The following HTR3B variants were observed in gnomAD, a reference collection of about 807,000 sequenced individuals.
HTR3B encodes 5-hydroxytryptamine (serotonin) receptor 3B, ionotropic.
Under a neutral mutation model 42.8 loss-of-function variants are expected in HTR3B, and 44 were observed. That is an observed-to-expected ratio of 1.03 (90% CI 0.81 to 1.32). The LOEUF is 1.32. HTR3B is among the 40% of genes most tolerant of loss of function. The probability of loss-of-function intolerance (pLI) is 0.00; values close to 1 mark genes in which losing one functional copy is unlikely to be tolerated. For synonymous variants in HTR3B, 203 were observed against 209.0 expected (o/e 0.97, Z 0.25); for missense variants, 527 against 536.5 (o/e 0.98, Z 0.17).
At chr11:113,911,922 C>T (rs533078125) in intron 2 of HTR3B, among the ~76,000 whole-genome samples, 1 of 152,282 alleles carries the variant, frequency 6.6e-6, no homozygotes, top group African/African-American at 2.4e-5. Flanking sequence ...CCCACAGAGA[C>T]AAATACTCTT....
chr11:113,937,095 G>C (rs1176739), intron 6 of HTR3B, among the ~76,000 whole-genome samples: 12,720 of 152,232 alleles, frequency 0.084, 871 homozygotes, highest in African/African-American at 0.19. Flanking sequence ...TTCCCTTTCT[G>C]TGGAATTTAA....
At position 113,943,213 on chromosome 11, in the gene HTR3B, T is replaced by C. The variant is rs533262768; in HGVS notation, c.907+21T>C. On this transcript the variant is annotated intron_variant, in intron 7 of 8. Transcript: ENST00000260191. ...GATTGGTAAGCAGCCTCGGGGTCAC[T>C]GGACACTCATCTTACATGACCCCTG... 3.1e-5 allele frequency: 49 copies of C among 1,571,050 alleles called. No individual in the cohort carries two copies. In the South Asian group the frequency reaches 5.3e-4, roughly 17 times the overall value.
In HTR3B at chr11:113,947,614, CTG is replaced by C. The variant is rs1950189839; in HGVS notation, c.*1481_*1482del. Among the ~76,000 whole-genome samples, 1 of 152,146 alleles carries C rather than the reference CTG, an allele frequency of 6.6e-6. No individual in the cohort carries two copies. Among genetic ancestry groups the C allele is most frequent in the Non-Finnish European group, 1.5e-5 (1 of 68,024 alleles). On this transcript the variant is annotated 3_prime_UTR_variant, in exon 9 of 9. Coordinates refer to ENST00000260191, the MANE Select transcript of HTR3B (RefSeq NM_006028.5). Reference sequence around the variant, plus strand: ...ACCTTTCCTCTGTGCATGCTCATGTCTGTGTCCAGATTTTCTCTTCTAACAAG... The same window carrying C: ...ACCTTTCCTCTGTGCATGCTCATGTCTGTCCAGATTTTCTCTTCTAACAAG...
At chr11:113,934,105 C>T (rs910833379) in intron 6 of HTR3B, among the ~76,000 whole-genome samples, 12 of 152,238 alleles carry the variant, frequency 7.9e-5, no homozygotes, top group South Asian at 4.1e-4. Context: ...AACTATCATT[C>T]GCTGAGTGCG....
At chr11:113,932,831 T>C in intron 5 of HTR3B, 105 bp from the exon 6 acceptor site, 2 of 1,139,030 alleles carry the variant, frequency 1.8e-6, no homozygotes, top group South Asian at 2.9e-5. Context: ...ACTGTGCCTA[T>C]GGGGGCAGGA....
chr11:113,924,698 C>A (rs1949951703), intron 2 of HTR3B, among the ~76,000 whole-genome samples: 1 of 140,284 alleles, frequency 7.1e-6, no homozygotes, highest in Non-Finnish European at 1.5e-5. Flanking sequence ...GCTTTTTTTT[C>A]AGCTACCAGG....
intron 2 of HTR3B, among the ~76,000 whole-genome samples, chr11:113,913,727 CT>C (rs891147746): frequency 2.0e-5 from 3 of 151,978 alleles, no homozygotes; most frequent in African/African-American, 7.3e-5. Context: ...GTTGGCTAGG[CT>C]TGTCTCAAAC....
chr11:113,934,712 T>G (rs1950073887), intron 6 of HTR3B, among the ~76,000 whole-genome samples: 1 of 151,882 alleles, frequency 6.6e-6, no homozygotes, highest in African/African-American at 2.4e-5. Context: ...CATTGTGGCC[T>G]GTTTGTCCAC....
At chr11:113,913,585 G>A (rs1949820916) in intron 2 of HTR3B, among the ~76,000 whole-genome samples, 1 of 151,820 alleles carries the variant, frequency 6.6e-6, no homozygotes, top group Non-Finnish European at 1.5e-5. Context: ...CGCAATCTCG[G>A]CTCACTGTAA....
chr11:113,931,818 T>A lies in HTR3B; in HGVS notation c.319T>A (p.Ser107Thr), dbSNP rs749570485. 2 of 1,612,026 alleles carry A rather than the reference T, an allele frequency of 1.2e-6. No individual in the cohort carries two copies. Among genetic ancestry groups the A allele is most frequent in the Non-Finnish European group, 1.7e-6 (2 of 1,178,106 alleles). The stretch of plus-strand genomic sequence containing the variant: ...CATGTTTGATGAGATTAGAGAGATC[T>A]CCCTACCTCTAAGTGCCATCTGGGC... Reference protein sequence around the residue: ...SSMFDEIREISLPLSAIWAPD... With the variant: ...SSMFDEIREITLPLSAIWAPD... The change falls in exon 4 of 9, where the codon TCC becomes ACC. Residue 107 changes from serine (S) to threonine (T), a missense_variant. Ser to Thr is a moderately conservative substitution (Grantham distance 58, BLOSUM62 1). Coordinates refer to ENST00000260191, the MANE Select transcript of HTR3B (RefSeq NM_006028.5).
chr11:113,911,707 T>C (rs1441624169), intron 2 of HTR3B, among the ~76,000 whole-genome samples: 1 of 152,188 alleles, frequency 6.6e-6, no homozygotes, highest in East Asian at 1.9e-4. Context: ...TTATATTTTT[T>C]AGTAGAGATG....
chr11:113,941,568 G>A (rs964641057), intron 6 of HTR3B, among the ~76,000 whole-genome samples: 5 of 152,208 alleles, frequency 3.3e-5, no homozygotes, highest in African/African-American at 1.2e-4. Flanking sequence ...CCTCCACTGA[G>A]ACGCACTCCT....
At chr11:113,911,683 C>T (rs931485227) in intron 2 of HTR3B, among the ~76,000 whole-genome samples, 16 of 152,086 alleles carry the variant, frequency 1.1e-4, no homozygotes, top group Admixed American at 2.6e-4. Context: ...TCTGCCACCA[C>T]ACTCGGCTTA....
intron 2 of HTR3B, among the ~76,000 whole-genome samples, chr11:113,924,624 CAA>C (rs34212177): frequency 1.9e-5 from 1 of 52,228 alleles, no homozygotes; most frequent in African/African-American, 8.1e-5. Flanking sequence ...GACCTTGTCT[CAA>C]AAAAAAAAAA....
At chr11:113,913,203 G>C (rs1218057628) in intron 2 of HTR3B, among the ~76,000 whole-genome samples, 3 of 150,090 alleles carry the variant, frequency 2.0e-5, no homozygotes, top group Non-Finnish European at 3.0e-5. Context: ...TTCTTTCTTT[G>C]TTTTTTTTGA....
chr11:113,907,349 G>A (rs1949741524), intron 1 of HTR3B, among the ~76,000 whole-genome samples: 1 of 152,168 alleles, frequency 6.6e-6, no homozygotes, highest in African/African-American at 2.4e-5. Flanking sequence ...TAGCTTTCAA[G>A]GGGCATAATT....
At chr11:113,916,265 G>A (rs1949852931) in intron 2 of HTR3B, among the ~76,000 whole-genome samples, 2 of 152,170 alleles carry the variant, frequency 1.3e-5, no homozygotes, top group African/African-American at 4.8e-5. Context: ...ATTGCCAACT[G>A]TATATCTTCT....
At chr11:113,900,014 C>A (rs1186019901), upstream of HTR3B, among the ~76,000 whole-genome samples, 1 of 152,166 alleles carries the variant, frequency 6.6e-6, no homozygotes, top group Non-Finnish European at 1.5e-5. Flanking sequence ...CACCTGTAAT[C>A]TTAAAACTTT....
chr11:113,925,420 T>G (rs1421747205), intron 2 of HTR3B, among the ~76,000 whole-genome samples: 2 of 119,932 alleles, frequency 1.7e-5, no homozygotes, highest in African/African-American at 6.6e-5. Context: ...CGAATTTGTT[T>G]TTTTTTTTTT....
Sources: gnomAD v4.1 joint callset for allele counts (sites outside exome capture counted in the v4.1 genomes callset) on GRCh38, gnomAD v4.1.1 for gene constraint, MANE v1.5 for transcripts, NCBI Gene and HGNC (gene_info 2026-07-23, HGNC 2026-07-21) for gene names.